CELF5: variants seen among roughly 807,000 people sequenced by gnomAD.
CELF5 encodes CUG-BP and ETR-3 like factor 5.
CELF5 carries 6 observed loss-of-function variants against 54.9 expected under a neutral mutation model. The ratio of observed to expected loss-of-function variants is 0.11; its 90% CI spans 0.06 to 0.22. CELF5 has a LOEUF of 0.22. Ranked by LOEUF, CELF5 falls within the 10% of genes least tolerant of loss-of-function variation. The pLI is 1.00. For missense variants in CELF5, 401 were observed against 678.6 expected (o/e 0.59, Z 4.54); for synonymous variants, 271 against 290.9 (o/e 0.93, Z 0.70).
In CELF5 at chr19:3,275,851, C is replaced by G. The variant is rs1452486637; in HGVS notation, c.395-5C>G. On this transcript the variant is annotated splice_region_variant and splice_polypyrimidine_tract_variant and intron_variant, in intron 3 of 12. Transcript: ENST00000292672. The surrounding 1 kb of genome is among the most constrained non-coding windows in gnomAD (Gnocchi z 6.7). ...CTCGGCTGAGGTGGGTGTCGCCGCC[C>G]ACAGGGGACCGGAAGCTGTTCGTGG... 2.5e-6 allele frequency: 4 copies of G among 1,605,076 alleles called. No individual in the cohort carries two copies. The African/African-American group carries it at 5.4e-5, about 21-fold the overall frequency.
At chr19:3,253,770 T>G (rs1384827761) in intron 2 of CELF5, among the ~76,000 whole-genome samples, 1 of 152,006 alleles carries the variant, frequency 6.6e-6, no homozygotes, top group Non-Finnish European at 1.5e-5. Context: ...GTTGCCTAAT[T>G]CATCTAAGTT....
rs1413297764 is a variant in CELF5, at chr19:3,282,203, C to T, written c.828C>T (p.His276=). The T allele has an allele frequency of 4.3e-6, 7 of 1,614,134 alleles. No individual in the cohort carries two copies. The highest frequency in any genetic ancestry group is 4.0e-5 in the African/African-American group (3 of 75,070). Residue 276 remains histidine (H), a synonymous_variant, in exon 7 of 13, where the codon CAC becomes CAT. Transcript: ENST00000292672. This position sits in a 1 kb window ranked among gnomAD's most constrained non-coding sequence, Gnocchi z 5.2. ...LSPGVAFSPC[H]IQQIGAVSLN... is the part of the protein sequence containing the mutation. ...CCGGCGTGGCCTTCTCACCCTGTCA[C>T]ATCCAGCAGATAGGCGCCGTCAGCC...
At chr19:3,285,357 C>A (rs1480048936) in intron 9 of CELF5, among the ~76,000 whole-genome samples, 1 of 150,534 alleles carries the variant, frequency 6.6e-6, no homozygotes, top group Admixed American at 6.6e-5. Flanking sequence ...CACTTCCTGC[C>A]TTTACTCTGA....
At chr19:3,288,000 C>T (rs940570250) in intron 10 of CELF5, among the ~76,000 whole-genome samples, 1 of 152,110 alleles carries the variant, frequency 6.6e-6, no homozygotes, top group Non-Finnish European at 1.5e-5. Flanking sequence ...TGAAATCAGA[C>T]AGATAGCATG....
intron 1 of CELF5, among the ~76,000 whole-genome samples, chr19:3,243,825 G>A (rs890650284): frequency 1.4e-4 from 22 of 151,926 alleles, no homozygotes; most frequent in African/African-American, 4.6e-4. Context: ...TAAAGGCATC[G>A]TCCCATCTCC....
chr19:3,225,699 C>T lies in CELF5; in HGVS notation c.259+701C>T, dbSNP rs540347625. On this transcript the variant is annotated intron_variant, in intron 1 of 12. Coordinates refer to ENST00000292672, the MANE Select transcript of CELF5 (RefSeq NM_021938.4). ...TCGCCTGCCTCGGGTGGCGGAGAGGCTCCCGTCGCTGCCCACCCCCTGGCC... is the reference window on the plus strand; with the variant it reads ...TCGCCTGCCTCGGGTGGCGGAGAGGTTCCCGTCGCTGCCCACCCCCTGGCC... The T allele has an allele frequency of 1.6e-4, 93 of 569,612 alleles. No individual in the cohort carries two copies. In the African/African-American group the frequency reaches 1.7e-3, roughly 10 times the overall value. The allele number at this position is 569,612 out of a possible 1,614,324, so 35.3% of individuals were successfully genotyped here.
At chr19:3,251,275 AGTGGTTGTGT>A (rs2079643505) in intron 2 of CELF5, among the ~76,000 whole-genome samples, 1 of 152,014 alleles carries the variant, frequency 6.6e-6, no homozygotes, top group African/African-American at 2.4e-5. Flanking sequence ...TTCATACCAG[AGTGGTTGTGT>A]GTGGTTGTGC....
Position 3,224,762 on chromosome 19 carries a change from A to C in CELF5, c.23A>C (p.Glu8Ala). ...GCCATGGCCCGCCTGACGGAGAGCGAGGCGCGCCGGCAGCAGCAGCAGCTC... is the reference window on the plus strand; with the variant it reads ...GCCATGGCCCGCCTGACGGAGAGCGCGGCGCGCCGGCAGCAGCAGCAGCTC... MARLTES[E>A]ARRQQQQLLQ... The change falls in exon 1 of 13, where the codon GAG becomes GCG. Residue 8 changes from glutamate (E) to alanine (A), a missense_variant. Physicochemically the swap from Glu to Ala is moderately radical, Grantham distance 107. Coordinates refer to ENST00000292672, the MANE Select transcript of CELF5 (RefSeq NM_021938.4). 7.0e-7 allele frequency: 1 copy of C among 1,429,362 alleles called. No individual in the cohort carries two copies. Among genetic ancestry groups the C allele is most frequent in the African/African-American group, 1.5e-5 (1 of 66,188 alleles). The allele number at this position is 1,429,362 out of a possible 1,614,324, so 88.5% of individuals were successfully genotyped here.
intron 8 of CELF5, chr19:3,284,698 C>T (rs2080204641): frequency 1.7e-6 from 1 of 586,812 alleles, no homozygotes. Context: ...GATTCCAGTT[C>T]AGCTTCTGCC....
At position 3,293,495 on chromosome 19, in the gene CELF5, C is replaced by T; in HGVS notation, c.*40+9C>T. ...CTGTAGGCATGGCCCAGGTGAGCCG[C>T]CAGGCGGCCCCACCCCCGCCCAAGC... is the stretch of plus-strand genomic sequence containing the variant. On this transcript the variant is annotated intron_variant, in intron 12 of 12. Transcript: ENST00000292672. 1 of 1,596,620 alleles carries T rather than the reference C, an allele frequency of 6.3e-7. No individual in the cohort carries two copies. Among genetic ancestry groups the T allele is most frequent in the Non-Finnish European group, 8.5e-7 (1 of 1,169,912 alleles).
At chr19:3,271,655 C>T (rs1212420675) in intron 2 of CELF5, among the ~76,000 whole-genome samples, 1 of 151,928 alleles carries the variant, frequency 6.6e-6, no homozygotes, top group East Asian at 1.9e-4. Context: ...GGGGAGGGGA[C>T]CCAGAGATGA....
intron 11 of CELF5, among the ~76,000 whole-genome samples, chr19:3,292,103 C>T (rs761275812): frequency 5.9e-5 from 9 of 151,908 alleles, no homozygotes; most frequent in Non-Finnish European, 8.8e-5. Flanking sequence ...CCCGCCATCA[C>T]GTCTGGCTAA....
At chr19:3,271,266 C>T (rs1272040367) in intron 2 of CELF5, among the ~76,000 whole-genome samples, 2 of 150,900 alleles carry the variant, frequency 1.3e-5, no homozygotes, top group East Asian at 2.0e-4. Flanking sequence ...CCCCTGGCAC[C>T]CCCCCGCTTC....
At chr19:3,259,337 A>G (rs1276979973) in intron 2 of CELF5, among the ~76,000 whole-genome samples, 2 of 151,632 alleles carry the variant, frequency 1.3e-5, no homozygotes, top group African/African-American at 2.4e-5. Flanking sequence ...TGGGGAGGAG[A>G]TGCACCTGGC....
intron 1 of CELF5, among the ~76,000 whole-genome samples, chr19:3,232,900 C>T (rs1917335443): frequency 6.6e-6 from 1 of 152,050 alleles, no homozygotes. Context: ...CATGGAGAAA[C>T]CCCATCTCTG....
rs747916961 is a variant in CELF5, at chr19:3,224,767, C to T, written c.28C>T (p.Arg10Cys). The T allele has an allele frequency of 1.4e-6, 2 of 1,437,712 alleles. No homozygotes were observed. The highest frequency in any genetic ancestry group is 1.5e-5 in the African/African-American group (1 of 66,450). 89.1% of individuals were successfully genotyped at this position (1,437,712 alleles called of 1,614,324 possible). A position where few individuals can be genotyped will look rare whatever the true frequency, so the allele number is the denominator to read the frequency against. Residue 10 changes from arginine to cysteine, a missense_variant, in exon 1 of 13, where the codon CGC becomes TGC. This residue lies in a region of CELF5 where 46 missense variants were observed against 55.0 expected (regional missense o/e 0.84). Coordinates refer to ENST00000292672, the MANE Select transcript of CELF5 (RefSeq NM_021938.4). ...GGCCCGCCTGACGGAGAGCGAGGCGCGCCGGCAGCAGCAGCAGCTCCTGCA... is the reference window on the plus strand; with the variant it reads ...GGCCCGCCTGACGGAGAGCGAGGCGTGCCGGCAGCAGCAGCAGCTCCTGCA... MARLTESEA[R>C]RQQQQLLQPR... is the part of the protein sequence containing the mutation.
chr19:3,250,421 A>G (rs1772158016), intron 1 of CELF5, among the ~76,000 whole-genome samples: 1 of 152,140 alleles, frequency 6.6e-6, no homozygotes, highest in African/African-American at 2.4e-5. Flanking sequence ...CCCGGGAGGC[A>G]GAGCTTGCAG....
At position 3,278,169 on chromosome 19, in the gene CELF5, G is replaced by A; in HGVS notation, c.603+59G>A. ...GGGTGGGAAAGGGGTGAGGGGGACA[G>A]GGATGAAACAGGCCATATTCCTACC... is the stretch of plus-strand genomic sequence containing the variant. On this transcript the variant is annotated intron_variant, in intron 5 of 12. Coordinates refer to ENST00000292672, the MANE Select transcript of CELF5 (RefSeq NM_021938.4). This position sits in a 1 kb window ranked among gnomAD's most constrained non-coding sequence, Gnocchi z 4.5. 1 of 1,107,092 alleles carries A rather than the reference G, an allele frequency of 9.0e-7. No individual in the cohort carries two copies. The highest frequency in any genetic ancestry group is 1.3e-6 in the Non-Finnish European group (1 of 750,984). 68.6% of individuals were successfully genotyped at this position (1,107,092 alleles called of 1,614,324 possible).
At chr19:3,293,771 G>T in intron 12 of CELF5, 1 of 267,340 alleles carries the variant, frequency 3.7e-6, no homozygotes, top group Non-Finnish European at 7.3e-6. Flanking sequence ...TTTGAGGGCT[G>T]AATAGAAGTT....
Sources: allele counts gnomAD v4.1 joint callset (sites outside exome capture counted in the v4.1 genomes callset), GRCh38; gene constraint gnomAD v4.1.1; regional missense constraint gnomAD v4.1.1; non-coding constraint Gnocchi (gnomAD v3.1); transcripts MANE v1.5; gene names NCBI Gene and HGNC (gene_info 2026-07-23, HGNC 2026-07-21).